Variants in COPG2 observed in about 807,000 individuals in gnomAD.
COPG2 encodes coatomer subunit gamma-2.
A neutral mutation model predicts 46.3 loss-of-function variants in COPG2; 37 were observed. The ratio of observed to expected loss-of-function variants is 0.80; its 90% CI spans 0.61 to 1.05. The LOEUF (loss-of-function observed/expected upper bound fraction) is 1.05. COPG2 is among the 50% of genes least tolerant of loss of function. The pLI, the probability that COPG2 is intolerant of heterozygous loss-of-function variation, is 0.00. For synonymous variants in COPG2, 159 were observed against 129.7 expected (o/e 1.23, Z -1.53); for missense variants, 427 against 387.8 (o/e 1.10, Z -0.85).
rs555613072 is a variant in COPG2, at chr7:130,610,762, T to C, written c.737+191A>G. On this transcript the variant is annotated intron_variant, in intron 9 of 23. Coordinates refer to ENST00000425248, the MANE Select transcript of COPG2 (RefSeq NM_012133.6). ...AATGTGCTATTAATAATTAAGTACA[T>C]ATACAAGAGCATACAGTAAGGTTAA... The C allele has an allele frequency of 5.4e-5, 37 of 679,870 alleles. No individual in the cohort carries two copies. The East Asian group carries it at 7.0e-4, about 13-fold the overall frequency. The allele number at this position is 679,870 out of a possible 1,614,324, so 42.1% of individuals were successfully genotyped here. A position where few individuals can be genotyped will look rare whatever the true frequency, so the allele number is the denominator to read the frequency against.
intron 14 of COPG2, among the ~76,000 whole-genome samples, chr7:130,552,714 T>C (rs1793551712): frequency 2.0e-5 from 3 of 152,190 alleles, no homozygotes; most frequent in Admixed American, 2.0e-4. Context: ...ACCCCTTATA[T>C]ATCACACTGA....
chr7:130,639,296 C>T (rs773641959), intron 5 of COPG2, among the ~76,000 whole-genome samples: 1 of 152,182 alleles, frequency 6.6e-6, no homozygotes, highest in Non-Finnish European at 1.5e-5. Flanking sequence ...CTGAGAATTC[C>T]TCTTTCCATT....
At chr7:130,643,039 T>G (rs1472608273) in intron 5 of COPG2, among the ~76,000 whole-genome samples, 2 of 150,428 alleles carry the variant, frequency 1.3e-5, no homozygotes, top group Admixed American at 1.3e-4. Context: ...CCGGGCGCGG[T>G]GGCTCCCAGC....
intron 5 of COPG2, among the ~76,000 whole-genome samples, chr7:130,633,754 T>C (rs1181241385): frequency 6.6e-5 from 10 of 152,224 alleles, no homozygotes; most frequent in East Asian, 1.9e-4. Context: ...TTGGCTTTTG[T>C]TGCCATTGCT....
At chr7:130,642,745 G>C (rs1353723628) in intron 5 of COPG2, among the ~76,000 whole-genome samples, 2 of 152,196 alleles carry the variant, frequency 1.3e-5, no homozygotes, top group African/African-American at 4.8e-5. Flanking sequence ...CCTAACGGCT[G>C]AGCACAGTAG....
chr7:130,657,849 C>T (rs1022102401), intron 4 of COPG2, among the ~76,000 whole-genome samples: 8 of 151,680 alleles, frequency 5.3e-5, no homozygotes, highest in Non-Finnish European at 1.0e-4. Context: ...CATTATACAC[C>T]TATCAGAATA....
intron 18 of COPG2, among the ~76,000 whole-genome samples, chr7:130,548,804 G>T (rs1793486515): frequency 6.6e-6 from 1 of 152,056 alleles, no homozygotes; most frequent in African/African-American, 2.4e-5. Context: ...TGTAGTCCCA[G>T]CTACTCGGGA....
At chr7:130,571,364 T>A (rs1205959515) in intron 9 of COPG2, among the ~76,000 whole-genome samples, 1 of 151,206 alleles carries the variant, frequency 6.6e-6, no homozygotes, top group African/African-American at 2.4e-5. Context: ...AAACAAATAA[T>A]CCCATCAAAA....
intron 9 of COPG2, among the ~76,000 whole-genome samples, chr7:130,584,392 A>T (rs1480942412): frequency 6.6e-6 from 1 of 152,024 alleles, no homozygotes; most frequent in Non-Finnish European, 1.5e-5. Context: ...TCCCTCTGAG[A>T]ACTGAAACAA....
At chr7:130,643,695 C>T (rs1228053811) in intron 5 of COPG2, among the ~76,000 whole-genome samples, 1 of 152,166 alleles carries the variant, frequency 6.6e-6, no homozygotes. Flanking sequence ...TCGTGGTTTA[C>T]GCCTGTGATC....
At chr7:130,550,305 G>C (rs1793516823) in intron 17 of COPG2, among the ~76,000 whole-genome samples, 1 of 149,848 alleles carries the variant, frequency 6.7e-6, no homozygotes, top group Non-Finnish European at 1.5e-5. Flanking sequence ...CAGCTACTCG[G>C]AAGGCTGAGG....
chr7:130,610,571 C>T (rs1794826097), intron 9 of COPG2: 1 of 522,846 alleles, frequency 1.9e-6, no homozygotes, highest in Admixed American at 1.9e-5. Context: ...GTGCCTCAGA[C>T]TTGTGGAATG....
intron 10 of COPG2, among the ~76,000 whole-genome samples, chr7:130,564,037 ATTCT>A (rs1202895886): frequency 2.0e-5 from 3 of 152,148 alleles, no homozygotes; most frequent in African/African-American, 4.8e-5. Context: ...TATAAATAAA[ATTCT>A]TTCAAAAGTT....
Position 130,507,291 on chromosome 7 carries a change from T to C in COPG2, c.2468A>G (p.His823Arg). The C allele has an allele frequency of 3.8e-6, 3 of 780,702 alleles. No individual in the cohort carries two copies. The highest frequency in any genetic ancestry group is 1.3e-5 in the South Asian group (1 of 74,610). 48.4% of individuals were successfully genotyped at this position (780,702 alleles called of 1,614,324 possible). Residue 823 changes from histidine to arginine, a missense_variant, in exon 23 of 24, where the codon CAT (histidine) becomes CGT (arginine). Physicochemically the swap from His to Arg is conservative, Grantham distance 29 (BLOSUM62 0). Transcript: ENST00000425248. The stretch of plus-strand genomic sequence containing the variant: ...CTTCTTACCTGCCAGATAGAGCGAA[T>C]GGGAATTCTTGTTCTCAGGTACTTT... ...SDKVPENKNSHSLYLAGIFRG... is the reference protein window; with the variant it reads ...SDKVPENKNSRSLYLAGIFRG...
In COPG2 at chr7:130,659,103, C is replaced by A. The variant is rs182058628; in HGVS notation, c.243+3864G>T. 3.2e-3 allele frequency among the ~76,000 whole-genome samples: 483 copies of A among 152,162 alleles called. 2 individuals are homozygous for A. Among genetic ancestry groups the A allele is most frequent in the Middle Eastern group, 0.01 (3 of 294 alleles). ...GGGCGCGGTAGCTTACGCCTGCAAT[C>A]CCAGCACTTTGGGAGGCTGAGACGG... On this transcript the variant is annotated intron_variant, in intron 4 of 23. Transcript: ENST00000425248.
chr7:130,647,407 C>A (rs190387001), intron 5 of COPG2, among the ~76,000 whole-genome samples: 1 of 152,254 alleles, frequency 6.6e-6, no homozygotes, highest in Non-Finnish European at 1.5e-5. Context: ...TCATAACACA[C>A]ATTTCCCACA....
At chr7:130,620,859 T>C (rs1795027558) in intron 5 of COPG2, among the ~76,000 whole-genome samples, 1 of 152,214 alleles carries the variant, frequency 6.6e-6, no homozygotes, top group Admixed American at 6.5e-5. Flanking sequence ...GATGTAAATC[T>C]TTAGGGACCA....
At position 130,509,037 on chromosome 7, in the gene COPG2, A is replaced by AG. The variant is rs782758451; in HGVS notation, c.2150-379_2150-378insC. ...TGCTGTAGGACCTGACCAAAAAAAA[A>AG]AACAAAAAAAAAACCTGTGGTAAAA... On this transcript the variant is annotated intron_variant, in intron 20 of 23. Transcript: ENST00000425248. 10 of 479,840 alleles carry AG rather than the reference A, an allele frequency of 2.1e-5. 1 individual carries two copies. The highest frequency in any genetic ancestry group is 4.1e-5 in the Non-Finnish European group (10 of 241,932). 29.7% of individuals were successfully genotyped at this position (479,840 alleles called of 1,614,324 possible).
intron 9 of COPG2, among the ~76,000 whole-genome samples, chr7:130,603,498 T>C (rs1794674141): frequency 6.6e-6 from 1 of 152,104 alleles, no homozygotes; most frequent in South Asian, 2.1e-4. Flanking sequence ...GGCAGGTGGA[T>C]CACCTGAGGT....
Sources: gnomAD v4.1 joint callset for allele counts (sites outside exome capture counted in the v4.1 genomes callset) on GRCh38, gnomAD v4.1.1 for gene constraint, MANE v1.5 for transcripts, NCBI Gene and HGNC (gene_info 2026-07-23, HGNC 2026-07-21) for gene names.